Variants in SPC25 observed in about 807,000 individuals in gnomAD.
SPC25 encodes the protein SPC25 component of NDC80 kinetochore complex.
In SPC25, 22 loss-of-function variants were observed where a neutral mutation model predicts 29.6. The observed-to-expected ratio is 0.74, with a 90% confidence interval of 0.53 to 1.06. The LOEUF is 1.06. Among genes scored for constraint, SPC25 ranks in the 50% least tolerant of loss-of-function variants. The probability of loss-of-function intolerance (pLI) is 0.00; values close to 1 mark genes in which losing one functional copy is unlikely to be tolerated. For synonymous variants in SPC25, 91 were observed against 90.4 expected, an observed-to-expected ratio of 1.01 and a Z score of -0.04; for missense variants, 230 against 255.8, an observed-to-expected ratio of 0.90 and a Z score of 0.69.
At position 168,871,500 on chromosome 2, in the gene SPC25, C is replaced by A; in HGVS notation, c.606G>T (p.Arg202Ser). 6.2e-7 allele frequency: 1 copy of A among 1,610,082 alleles called. No individual in the cohort carries two copies. Among genetic ancestry groups the A allele is most frequent in the Non-Finnish European group, 8.5e-7 (1 of 1,178,484 alleles). ...GAAAAGCTGAAAAATTGTTGGTCTT[C>A]CTTACATTCTCTTGAAATTCTGCTA... ...EGLAEFQENVRKTNNFSAFLA... is the reference protein window; with the variant it reads ...EGLAEFQENVSKTNNFSAFLA... Residue 202 changes from arginine (R) to serine (S), a missense_variant, in exon 7 of 7, where the codon AGG (arginine) becomes AGT (serine). Arg to Ser is a moderately radical substitution (Grantham distance 110). Transcript: ENST00000282074.
chr2:168,869,840 G>A (rs868319981), downstream of SPC25, among the ~76,000 whole-genome samples: 3,090 of 151,914 alleles, frequency 0.02, 82 homozygotes, highest in African/African-American at 0.069. Flanking sequence ...TTTCTTCACA[G>A]AATTGGAAAA....
Position 168,873,609 on chromosome 2 carries a change from G to C in SPC25, c.526C>G (p.Leu176Val), listed in dbSNP as rs1348317190. 6.2e-7 allele frequency: 1 copy of C among 1,610,752 alleles called. No homozygotes were observed. The highest frequency in any genetic ancestry group is 8.5e-7 in the Non-Finnish European group (1 of 1,177,724). Reference protein sequence around the residue: ...PESPFMFSLHLNEARDYEVSD... With the variant: ...PESPFMFSLHVNEARDYEVSD... ...CCTTCATAGTCCCTTGCTTCATTGA[G>C]ATGTAAGGAAAACATAAATGGGCTC... The change falls in exon 6 of 7, where the codon CTC becomes GTC. Residue 176 changes from leucine (L) to valine (V), a missense_variant. Transcript: ENST00000282074.
downstream of SPC25, among the ~76,000 whole-genome samples, chr2:168,869,260 G>T (rs968849224): frequency 1.3e-5 from 2 of 152,284 alleles, no homozygotes; most frequent in Admixed American, 1.3e-4. Flanking sequence ...ATATGGAATG[G>T]ACAAAAACTG....
At position 168,871,353 on chromosome 2, in the gene SPC25, A is replaced by G. The variant is rs62176781; in HGVS notation, c.*78T>C. On this transcript the variant is annotated 3_prime_UTR_variant, in exon 7 of 7. Transcript: ENST00000282074. ...CATGTACCCTAAAACTTAAAGTATA[A>G]TAATAATAAAAACAAGAAAAAAAGA... is the stretch of plus-strand genomic sequence containing the variant. The G allele has an allele frequency of 0.052, 67,310 of 1,290,552 alleles. 2,839 individuals are homozygous for G. The highest frequency in any genetic ancestry group is 0.3 in the African/African-American group (13,898 of 45,664). The allele number at this position is 1,290,552 out of a possible 1,614,324, so 79.9% of individuals were successfully genotyped here. A position where few individuals can be genotyped will look rare whatever the true frequency, so the allele number is the denominator to read the frequency against.
intron 5 of SPC25, among the ~76,000 whole-genome samples, chr2:168,874,620 C>T (rs1323799919): frequency 6.6e-6 from 1 of 152,038 alleles, no homozygotes; most frequent in Non-Finnish European, 1.5e-5. Context: ...AGCATATGGC[C>T]ATACTCAGGG....
intron 5 of SPC25, among the ~76,000 whole-genome samples, chr2:168,874,897 T>C (rs1260089659): frequency 6.6e-6 from 1 of 152,190 alleles, no homozygotes; most frequent in Non-Finnish European, 1.5e-5. Flanking sequence ...GATTCTGTTC[T>C]GTATCCTTTT....
At chr2:168,870,430 A>C (rs1689956619), downstream of SPC25, among the ~76,000 whole-genome samples, 1 of 150,824 alleles carries the variant, frequency 6.6e-6, no homozygotes, top group African/African-American at 2.4e-5. Context: ...AACCTACAGA[A>C]TGGGAGAAAA....
At chr2:168,887,623 C>T (rs983167369) in intron 3 of SPC25, among the ~76,000 whole-genome samples, 3 of 152,066 alleles carry the variant, frequency 2.0e-5, no homozygotes, top group African/African-American at 7.2e-5. Context: ...TTGTTTAAAA[C>T]ATGGTGCCTT....
intron 1 of SPC25, among the ~76,000 whole-genome samples, chr2:168,889,890 T>G (rs1043576885): frequency 2.0e-5 from 3 of 152,138 alleles, no homozygotes; most frequent in African/African-American, 7.2e-5. Flanking sequence ...GATAGCCAGG[T>G]GGCCGGCACC....
At chr2:168,863,730 C>G (rs1018524492) in intron 4 of SPC25, 2 of 847,984 alleles carry the variant, frequency 2.4e-6, no homozygotes, top group African/African-American at 1.9e-5. Context: ...TTGTCTTGAT[C>G]TTAAGAAAAG....
In SPC25 at chr2:168,865,113, C is replaced by T. The variant is rs181853503; in HGVS notation, n.419+8472G>A. The T allele has an allele frequency of 1.3e-4, 109 of 839,250 alleles. 1 individual carries two copies. In the African/African-American group the frequency reaches 1.6e-3, roughly 12 times the overall value. 52.0% of individuals were successfully genotyped at this position (839,250 alleles called of 1,614,324 possible). A position where few individuals can be genotyped will look rare whatever the true frequency, so the allele number is the denominator to read the frequency against. ...CCTGCATGTCACAGCACTTTGCATT[C>T]ATGATTATTAGCTTGAAACAGTCAG... is the stretch of plus-strand genomic sequence containing the variant. On this transcript the variant is annotated intron_variant and non_coding_transcript_variant, in intron 4 of 4. Coordinates refer to the SPC25 transcript ENST00000479309.
downstream of SPC25, among the ~76,000 whole-genome samples, chr2:168,867,001 A>G (rs1329396130): frequency 6.6e-6 from 1 of 152,190 alleles, no homozygotes; most frequent in African/African-American, 2.4e-5. Flanking sequence ...ATGTGGAGAA[A>G]TAGGAACACT....
intron 3 of SPC25, among the ~76,000 whole-genome samples, chr2:168,888,888 A>G (rs1277534700): frequency 7.0e-6 from 1 of 143,626 alleles, no homozygotes; most frequent in African/African-American, 2.6e-5. Flanking sequence ...TGGCCTCCCA[A>G]AGTGTTGGGA....
At chr2:168,882,483 T>C (rs934630880) in intron 3 of SPC25, among the ~76,000 whole-genome samples, 3 of 152,208 alleles carry the variant, frequency 2.0e-5, no homozygotes, top group African/African-American at 7.2e-5. Context: ...CGTGTGCCTG[T>C]AATTCCAGCT....
At chr2:168,878,039 A>G (rs892410409) in intron 3 of SPC25, among the ~76,000 whole-genome samples, 1 of 152,180 alleles carries the variant, frequency 6.6e-6, no homozygotes, top group Non-Finnish European at 1.5e-5. Context: ...CAGTGCTTTG[A>G]GGAAAAGCCT....
intron 5 of SPC25, among the ~76,000 whole-genome samples, chr2:168,875,361 G>C (rs564132576): frequency 2.0e-5 from 3 of 152,142 alleles, no homozygotes; most frequent in Admixed American, 6.6e-5. Flanking sequence ...TCAAAAAATT[G>C]TAAGTTGAAC....
At chr2:168,865,920 G>A (rs1198921563), downstream of SPC25, among the ~76,000 whole-genome samples, 2 of 152,286 alleles carry the variant, frequency 1.3e-5, no homozygotes, top group Non-Finnish European at 2.9e-5. Context: ...TACAAGGGAT[G>A]TGAAGGACCT....
intron 4 of SPC25, chr2:168,862,114 CCTGT>C (rs1345022634): frequency 2.4e-4 from 342 of 1,445,796 alleles, no homozygotes; most frequent in Non-Finnish European, 3.3e-4. Context: ...TGAATAAAAC[CCTGT>C]CTTAGTGTGG....
At chr2:168,875,573 C>T (rs528874200) in intron 5 of SPC25, among the ~76,000 whole-genome samples, 1 of 152,180 alleles carries the variant, frequency 6.6e-6, no homozygotes, top group South Asian at 2.1e-4. Flanking sequence ...CCATACTCAT[C>T]CATTTAATAT....
Sources: allele counts gnomAD v4.1 joint callset (sites outside exome capture counted in the v4.1 genomes callset), GRCh38; gene constraint gnomAD v4.1.1; transcripts MANE v1.5; gene names NCBI Gene and HGNC (gene_info 2026-07-23, HGNC 2026-07-21).